The following MAPK9 variants were observed in gnomAD, a reference collection of about 807,000 sequenced individuals.
MAPK9 encodes the protein Jun kinase.
In MAPK9, 30 loss-of-function variants were observed where a neutral mutation model predicts 57.1. The observed-to-expected ratio is 0.53, with a 90% CI of 0.39 to 0.71. The LOEUF (loss-of-function observed/expected upper bound fraction) is 0.71. MAPK9 is among the 30% of genes least tolerant of loss of function. The pLI is 0.00. For synonymous variants in MAPK9, 155 were observed against 177.0 expected (o/e 0.88, Z 0.99); for missense variants, 362 against 521.0 (o/e 0.69, Z 2.97).
intron 1 of MAPK9, among the ~76,000 whole-genome samples, chr5:180,284,510 C>T (rs182644147): frequency 6.6e-5 from 10 of 152,318 alleles, no homozygotes; most frequent in Admixed American, 6.5e-4. Flanking sequence ...TCGACCGAGG[C>T]ATGAGGAAAC....
chr5:180,250,901 A>C (rs1758610341), intron 5 of MAPK9, among the ~76,000 whole-genome samples: 1 of 152,120 alleles, frequency 6.6e-6, no homozygotes, highest in South Asian at 2.1e-4. Context: ...GCCCACATTC[A>C]ACCAGGGACG....
In MAPK9 at chr5:180,247,767, A is replaced by T. The variant is rs1406192580; in HGVS notation, c.617-257T>A. The stretch of plus-strand genomic sequence containing the variant: ...AACAAACAAACAAAAAACCAGAAAC[A>T]AGAAGTGCCTGTGAACACAAAGCTT... On this transcript the variant is annotated intron_variant, in intron 6 of 11. Coordinates refer to ENST00000452135, the MANE Select transcript of MAPK9 (RefSeq NM_002752.5). This position sits in a 1 kb window ranked among gnomAD's most constrained non-coding sequence, Gnocchi z 4.5. 2 of 1,360,006 alleles carry T rather than the reference A, an allele frequency of 1.5e-6. No homozygotes were observed. Among genetic ancestry groups the T allele is most frequent in the Middle Eastern group, 1.8e-4 (1 of 5,620 alleles). 84.2% of individuals were successfully genotyped at this position (1,360,006 alleles called of 1,614,324 possible).
At chr5:180,245,465 G>C (rs1758011788) in intron 7 of MAPK9, among the ~76,000 whole-genome samples, 1 of 152,154 alleles carries the variant, frequency 6.6e-6, no homozygotes, top group African/African-American at 2.4e-5. Context: ...AATATCTGCT[G>C]GGTTAATGAT....
chr5:180,242,075 G>C (rs35565711), intron 8 of MAPK9, among the ~76,000 whole-genome samples: 2,248 of 152,202 alleles, frequency 0.015, 105 homozygotes, highest in Admixed American at 0.099. Flanking sequence ...CCTAGGTTTT[G>C]TCAATTAAAG....
intron 5 of MAPK9, among the ~76,000 whole-genome samples, chr5:180,255,415 G>A (rs1256834310): frequency 6.6e-6 from 1 of 152,082 alleles, no homozygotes; most frequent in African/African-American, 2.4e-5. Context: ...CAGTGCAAAG[G>A]GGAACAGGGC....
chr5:180,288,569 G>T (rs1762973667), intron 1 of MAPK9, among the ~76,000 whole-genome samples: 1 of 152,198 alleles, frequency 6.6e-6, no homozygotes, highest in Non-Finnish European at 1.5e-5. Context: ...CTGAGGTTGT[G>T]CCCGTATGTT....
chr5:180,291,439 C>T (rs1763223835), intron 1 of MAPK9, among the ~76,000 whole-genome samples: 1 of 152,232 alleles, frequency 6.6e-6, no homozygotes, highest in African/African-American at 2.4e-5. Context: ...AGCCTGACAA[C>T]AACCCTGTCC....
intron 7 of MAPK9, among the ~76,000 whole-genome samples, chr5:180,244,729 G>A (rs939484068): frequency 1.1e-4 from 16 of 147,710 alleles, no homozygotes; most frequent in African/African-American, 2.8e-4. Flanking sequence ...AGCTGAGATC[G>A]CATCGCTGCC....
At chr5:180,277,352 A>G (rs576841927) in intron 2 of MAPK9, among the ~76,000 whole-genome samples, 6 of 152,256 alleles carry the variant, frequency 3.9e-5, no homozygotes, top group Middle Eastern at 6.8e-3. Flanking sequence ...TGCCTCTCTC[A>G]GCTGGTTGGA....
chr5:180,287,733 T>C (rs888923), intron 1 of MAPK9, among the ~76,000 whole-genome samples: 22,995 of 152,184 alleles, frequency 0.15, 2,138 homozygotes, highest in Middle Eastern at 0.2. Context: ...CTCTTACATG[T>C]TTCCTCCTCC....
intron 2 of MAPK9, among the ~76,000 whole-genome samples, chr5:180,272,407 A>C (rs1048538943): frequency 1.3e-5 from 2 of 152,204 alleles, no homozygotes; most frequent in Admixed American, 6.5e-5. Flanking sequence ...CCGATACTGT[A>C]CTGATTCCTT....
intron 5 of MAPK9, among the ~76,000 whole-genome samples, chr5:180,260,378 A>C (rs1759806917): frequency 6.6e-6 from 1 of 152,192 alleles, no homozygotes; most frequent in African/African-American, 2.4e-5. Context: ...TCATCTGAGA[A>C]CTCCCACTGA....
At chr5:180,254,911 G>A (rs1759105734) in intron 5 of MAPK9, among the ~76,000 whole-genome samples, 1 of 152,176 alleles carries the variant, frequency 6.6e-6, no homozygotes, top group Non-Finnish European at 1.5e-5. Flanking sequence ...GCGGACGCCT[G>A]CAGTCCTAGC....
At chr5:180,268,070 C>T (rs979587234) in intron 3 of MAPK9, among the ~76,000 whole-genome samples, 6 of 151,992 alleles carry the variant, frequency 3.9e-5, no homozygotes, top group Admixed American at 6.6e-5. Context: ...ATGATCCACC[C>T]GCCTCGGCCT....
intron 3 of MAPK9, among the ~76,000 whole-genome samples, chr5:180,268,027 T>TGC (rs1760838268): frequency 5.3e-5 from 8 of 152,086 alleles, no homozygotes; most frequent in Non-Finnish European, 1.2e-4. Context: ...GGTTTCACCA[T>TGC]GTTAGCCAGG....
chr5:180,261,568 ATC>A, intron 5 of MAPK9, 114 bp downstream of exon 5: 3 of 1,008,174 alleles, frequency 3.0e-6, no homozygotes, highest in Non-Finnish European at 4.3e-6. Flanking sequence ...ATATGATTCC[ATC>A]ATCTATTTGG....
At chr5:180,270,020 T>C (rs1002125165) in intron 2 of MAPK9, among the ~76,000 whole-genome samples, 2 of 152,252 alleles carry the variant, frequency 1.3e-5, no homozygotes, top group Non-Finnish European at 2.9e-5. Context: ...GAATAAAATC[T>C]ACAGGCTGTG....
chr5:180,291,494 A>G (rs1043193913), intron 1 of MAPK9, among the ~76,000 whole-genome samples: 24 of 152,170 alleles, frequency 1.6e-4, no homozygotes, highest in Admixed American at 4.6e-4. Flanking sequence ...ACCGCGGCAG[A>G]GCGAGGGTCA....
In MAPK9 at chr5:180,247,201, T is replaced by G; in HGVS notation, c.688+238A>C. On this transcript the variant is annotated intron_variant, in intron 7 of 11. Transcript: ENST00000452135. This position sits in a 1 kb window ranked among gnomAD's most constrained non-coding sequence, Gnocchi z 4.5. ...TTGGCAAAATTAAGAGCTAATATAA[T>G]CGGTTTAACTGAACTCTAAGTCTCA... 3.6e-6 allele frequency: 2 copies of G among 553,514 alleles called. No individual in the cohort carries two copies. Among genetic ancestry groups the G allele is most frequent in the South Asian group, 5.1e-5 (2 of 39,408 alleles). 34.3% of individuals were successfully genotyped at this position (553,514 alleles called of 1,614,324 possible). A position where few individuals can be genotyped will look rare whatever the true frequency, so the allele number is the denominator to read the frequency against.
Sources: allele counts gnomAD v4.1 joint callset (sites outside exome capture counted in the v4.1 genomes callset), GRCh38; gene constraint gnomAD v4.1.1; non-coding constraint Gnocchi (gnomAD v3.1); transcripts MANE v1.5; gene names NCBI Gene and HGNC (gene_info 2026-07-23, HGNC 2026-07-21).